Variants in TET1 observed in about 807,000 individuals in gnomAD.
The protein encoded by TET1 is methylcytosine dioxygenase TET1.
In TET1, 13 loss-of-function variants were observed where a neutral mutation model predicts 148.7. The observed-to-expected ratio is 0.09, with a 90% CI of 0.06 to 0.14. The LOEUF (loss-of-function observed/expected upper bound fraction) is 0.14, where lower values mean the gene tolerates loss of function less well. TET1 is among the 10% of genes least tolerant of loss of function. The pLI, the probability that TET1 is intolerant of heterozygous loss-of-function variation, is 1.00. For missense variants in TET1, 2,182 were observed against 2,553.8 expected (o/e 0.85, Z 3.14); for synonymous variants, 907 against 937.2 (o/e 0.97, Z 0.59).
intron 1 of TET1, among the ~76,000 whole-genome samples, chr10:68,568,579 A>G (rs1406716438): frequency 1.3e-5 from 2 of 152,174 alleles, no homozygotes; most frequent in East Asian, 1.9e-4. Flanking sequence ...ATATCCTACT[A>G]TAGTGAGCTT....
Position 68,645,915 on chromosome 10 carries a change from T to C in TET1, c.3186T>C (p.Asp1062=). ...LDSSKKLDSD[D]LSCQDATHTQ... is the part of the protein sequence containing the mutation. ...GCAGCAAAAAATTGGACTCAGATGA[T>C]CTATCATGTCAGGATGCAACCCATA... Residue 1062 remains aspartate, a synonymous_variant, in exon 4 of 12, where the codon GAT becomes GAC. Transcript: ENST00000373644. 1 of 1,613,662 alleles carries C rather than the reference T, an allele frequency of 6.2e-7. No homozygotes were observed. The highest frequency in any genetic ancestry group is 8.5e-7 in the Non-Finnish European group (1 of 1,179,976).
intron 3 of TET1, among the ~76,000 whole-genome samples, chr10:68,614,860 C>T (rs973189474): frequency 6.6e-6 from 1 of 152,000 alleles, no homozygotes; most frequent in Non-Finnish European, 1.5e-5. Flanking sequence ...TCCTAAACTC[C>T]TGGGCTTACA....
intron 4 of TET1, among the ~76,000 whole-genome samples, chr10:68,650,837 C>T (rs1384485273): frequency 6.6e-6 from 1 of 152,118 alleles, no homozygotes; most frequent in Non-Finnish European, 1.5e-5. Context: ...ACATAAAATT[C>T]ATGCTCACAA....
At chr10:68,678,108 T>A (rs2055386207) in intron 8 of TET1, among the ~76,000 whole-genome samples, 1 of 152,174 alleles carries the variant, frequency 6.6e-6, no homozygotes, top group Admixed American at 6.5e-5. Context: ...ACACTTGCCC[T>A]TGAATGAGAT....
intron 6 of TET1, among the ~76,000 whole-genome samples, chr10:68,661,246 C>G (rs1338105533): frequency 1.8e-5 from 2 of 109,546 alleles, no homozygotes; most frequent in Non-Finnish European, 3.5e-5. Flanking sequence ...GACGGGGTTT[C>G]ACCATGTTAG....
At chr10:68,595,983 TACACACACACAC>T (rs773605594) in intron 2 of TET1, among the ~76,000 whole-genome samples, 48 of 50,424 alleles carry the variant, frequency 9.5e-4, no homozygotes, top group East Asian at 1.9e-3. Flanking sequence ...CACACATATA[TACACACACACAC>T]ACACACACAC....
intron 3 of TET1, among the ~76,000 whole-genome samples, chr10:68,602,297 G>A (rs975340404): frequency 5.9e-5 from 9 of 152,018 alleles, no homozygotes; most frequent in East Asian, 1.9e-4. Flanking sequence ...TTGATCCATC[G>A]ACCCCCATTT....
chr10:68,564,476 G>A (rs924567029), intron 1 of TET1, among the ~76,000 whole-genome samples: 12 of 152,040 alleles, frequency 7.9e-5, no homozygotes, highest in South Asian at 2.1e-4. Context: ...TGTTTAGGGC[G>A]TCTTGGTGCT....
intron 2 of TET1, among the ~76,000 whole-genome samples, chr10:68,595,494 G>A (rs942194256): frequency 2.0e-5 from 3 of 151,272 alleles, no homozygotes; most frequent in African/African-American, 4.9e-5. Flanking sequence ...AATCTAGGTA[G>A]TTTGTACTTA....
At chr10:68,649,402 T>G (rs1214882058) in intron 4 of TET1, among the ~76,000 whole-genome samples, 2 of 152,178 alleles carry the variant, frequency 1.3e-5, no homozygotes, top group African/African-American at 4.8e-5. Context: ...GGTCAGGAGA[T>G]GAGACCATCC....
chr10:68,663,631 CTG>C (rs2133163724), intron 6 of TET1, among the ~76,000 whole-genome samples: 1 of 152,196 alleles, frequency 6.6e-6, no homozygotes, highest in Admixed American at 6.5e-5. Flanking sequence ...ATTATGAAGT[CTG>C]TATACCAGCA....
intron 8 of TET1, chr10:68,673,355 C>T (rs1428971432): frequency 7.0e-6 from 2 of 283,970 alleles, no homozygotes; most frequent in Non-Finnish European, 1.4e-5. Context: ...ATAGGAAAAA[C>T]CCATTTGCCA....
At chr10:68,602,446 G>A (rs2054069684) in intron 3 of TET1, among the ~76,000 whole-genome samples, 1 of 152,150 alleles carries the variant, frequency 6.6e-6, no homozygotes, top group African/African-American at 2.4e-5. Context: ...CATTTGTTGG[G>A]GTTGTGGATG....
rs34385747 is a variant in TET1, at chr10:68,569,166, C to CTTTTTTTTTTTTTTT, written c.-122-3041_-122-3027dup. On this transcript the variant is annotated intron_variant, in intron 1 of 11. Coordinates refer to ENST00000373644, the MANE Select transcript of TET1 (RefSeq NM_030625.3). Reference sequence around the variant, plus strand: ...GCTGGATCTCCAGGCAGGAGAGTTTCTTTTTTTTTTTTTTTTTTTTTTTTG... The same window carrying CTTTTTTTTTTTTTTT: ...GCTGGATCTCCAGGCAGGAGAGTTTCTTTTTTTTTTTTTTTTTTTTTTTTTTTTTTTTTTTTTTTG... Among the ~76,000 whole-genome samples, 64 of 69,778 alleles carry CTTTTTTTTTTTTTTT rather than the reference C, an allele frequency of 9.2e-4. 4 individuals carry two copies. Among genetic ancestry groups the CTTTTTTTTTTTTTTT allele is most frequent in the Non-Finnish European group, 1.3e-3 (50 of 37,798 alleles). 45.8% of individuals were successfully genotyped at this position (69,778 alleles called of 152,430 possible). A position where few individuals can be genotyped will look rare whatever the true frequency, so the allele number is the denominator to read the frequency against.
At chr10:68,594,119 T>C (rs111363272) in intron 2 of TET1, among the ~76,000 whole-genome samples, 2 of 151,544 alleles carry the variant, frequency 1.3e-5, no homozygotes, top group Non-Finnish European at 2.9e-5. Flanking sequence ...AAAGACGGGG[T>C]TCCACCATGT....
intron 6 of TET1, among the ~76,000 whole-genome samples, chr10:68,653,383 A>G (rs1034181878): frequency 6.6e-6 from 1 of 152,204 alleles, no homozygotes; most frequent in African/African-American, 2.4e-5. Flanking sequence ...TTTAGATTTT[A>G]TAATGTTTCC....
chr10:68,585,676 C>T (rs911610906), intron 2 of TET1, among the ~76,000 whole-genome samples: 1 of 151,856 alleles, frequency 6.6e-6, no homozygotes. Context: ...TATGTCCACT[C>T]CCTGAAATAA....
intron 3 of TET1, among the ~76,000 whole-genome samples, chr10:68,624,637 T>TTTC (rs1158917913): frequency 2.2e-5 from 1 of 45,508 alleles, no homozygotes; most frequent in South Asian, 7.7e-4. Context: ...TCTTTCTTTC[T>TTTC]TTCTTTCTTT....
chr10:68,679,959 C>A (rs1392533117), intron 8 of TET1, among the ~76,000 whole-genome samples: 2 of 152,290 alleles, frequency 1.3e-5, no homozygotes, highest in Non-Finnish European at 2.9e-5. Context: ...CAGGCATGAG[C>A]CACTGTGCCC....
Sources: allele counts gnomAD v4.1 joint callset (sites outside exome capture counted in the v4.1 genomes callset), GRCh38; gene constraint gnomAD v4.1.1; transcripts MANE v1.5; gene names NCBI Gene and HGNC (gene_info 2026-07-23, HGNC 2026-07-21).